HMCN1: variants seen among roughly 807,000 people sequenced by gnomAD.
HMCN1 encodes the protein hemicentin 1.
A neutral mutation model predicts 625.9 loss-of-function variants in HMCN1; 321 were observed. The ratio of observed to expected loss-of-function variants is 0.51; its 90% CI spans 0.47 to 0.56. The LOEUF (loss-of-function observed/expected upper bound fraction) is 0.56, where lower values mean the gene tolerates loss of function less well. HMCN1 is among the 20% of genes least tolerant of loss of function. The probability of loss-of-function intolerance (pLI) is 0.00; values close to 1 mark genes in which losing one functional copy is unlikely to be tolerated. For missense variants in HMCN1, 6,588 were observed against 6,887.3 expected, an observed-to-expected ratio of 0.96 and a Z score of 1.54; for synonymous variants, 2,425 against 2,417.6, an observed-to-expected ratio of 1.00 and a Z score of -0.09.
At chr1:185,896,748 A>G (rs1312981520) in intron 4 of HMCN1, among the ~76,000 whole-genome samples, 2 of 152,234 alleles carry the variant, frequency 1.3e-5, no homozygotes, top group Admixed American at 6.5e-5. Context: ...TCTAATAGTC[A>G]TGAATAGAAT....
intron 2 of HMCN1, among the ~76,000 whole-genome samples, chr1:185,852,944 T>G (rs373901887): frequency 6.6e-6 from 1 of 152,082 alleles, no homozygotes; most frequent in African/African-American, 2.4e-5. Flanking sequence ...TCAAGCTTTT[T>G]GATATTAGGT....
At chr1:185,924,844 C>T (rs1571566602) in intron 8 of HMCN1, among the ~76,000 whole-genome samples, 2 of 151,230 alleles carry the variant, frequency 1.3e-5, no homozygotes, top group African/African-American at 2.4e-5. Context: ...GTAAGGGGCT[C>T]ATAAAGATAT....
chr1:185,771,355 G>T (rs1485328344), intron 1 of HMCN1, among the ~76,000 whole-genome samples: 1 of 152,184 alleles, frequency 6.6e-6, no homozygotes, highest in African/African-American at 2.4e-5. Flanking sequence ...ACATAAGCAT[G>T]AAATGTAACC....
chr1:186,013,276 T>C (rs901980117), intron 30 of HMCN1, among the ~76,000 whole-genome samples: 1 of 152,202 alleles, frequency 6.6e-6, no homozygotes, highest in Admixed American at 6.6e-5. Context: ...TCACAAAATG[T>C]TATTATTTTG....
At chr1:186,087,184 C>G (rs1331486450) in intron 58 of HMCN1, 33 bp from the exon 59 acceptor site, 3 of 1,321,862 alleles carry the variant, frequency 2.3e-6, no homozygotes, top group Non-Finnish European at 3.3e-6. Flanking sequence ...AACCTGTATA[C>G]CACTCTACAA....
intron 11 of HMCN1, among the ~76,000 whole-genome samples, chr1:185,934,375 C>T (rs1204540353): frequency 6.6e-6 from 1 of 152,058 alleles, no homozygotes; most frequent in East Asian, 1.9e-4. Context: ...CACGCGAGTG[C>T]CTGTTGAAAA....
chr1:185,963,301 G>T (rs74134233), intron 12 of HMCN1, among the ~76,000 whole-genome samples: 2,690 of 152,124 alleles, frequency 0.018, 66 homozygotes, highest in African/African-American at 0.06. Flanking sequence ...ATTCCTAAAC[G>T]CCTTACAGAC....
chr1:185,876,057 C>T (rs916698193), intron 4 of HMCN1, among the ~76,000 whole-genome samples: 1 of 151,982 alleles, frequency 6.6e-6, no homozygotes, highest in South Asian at 2.1e-4. Flanking sequence ...TTTCAACCCT[C>T]GCCACCACCC....
Position 186,187,870 on chromosome 1 carries a change from G to A in HMCN1, c.16415-13G>A. On this transcript the variant is annotated splice_polypyrimidine_tract_variant and intron_variant, in intron 105 of 106. Transcript: ENST00000271588. ...TCACTGCTGATGCTGCATGTTCCCT[G>A]TGCTGTCCCTAGATATCGATGAATG... The A allele has an allele frequency of 6.2e-7, 1 of 1,613,574 alleles. No individual in the cohort carries two copies. The highest frequency in any genetic ancestry group is 1.7e-5 in the Admixed American group (1 of 59,980).
At chr1:185,761,155 G>A (rs566897480) in intron 1 of HMCN1, among the ~76,000 whole-genome samples, 2 of 152,064 alleles carry the variant, frequency 1.3e-5, no homozygotes, top group South Asian at 4.1e-4. Context: ...GGAGGTGGTA[G>A]TAGCAGGAAT....
Position 186,142,089 on chromosome 1 carries a change from A to G in HMCN1, c.13925-2084A>G, listed in dbSNP as rs551722253. ...TATGACTCAGGGGTTTGATGTACAG[A>G]TTATTTTGTCACCTGGATACTAAGC... On this transcript the variant is annotated intron_variant, in intron 89 of 106. Transcript: ENST00000271588. Among the ~76,000 whole-genome samples the G allele has an allele frequency of 3.7e-4, 57 of 152,026 alleles. 1 individual carries two copies. Among genetic ancestry groups the G allele is most frequent in the African/African-American group, 1.7e-4 (7 of 41,398 alleles).
In HMCN1 at chr1:186,152,855, C is replaced by CT. The variant is rs1400679574; in HGVS notation, c.15003dup (p.Glu5002Ter). The CT allele has an allele frequency of 1.2e-6, 2 of 1,613,820 alleles. No individual in the cohort carries two copies. Among genetic ancestry groups the CT allele is most frequent in the South Asian group, 2.2e-5 (2 of 91,070 alleles). ...TATGTCCTACAGCTTCAGTCACCTG[C>CT]TGAAGTCACTGTAAAGGTAAAATGC... On this transcript the variant is annotated frameshift_variant, in exon 96 of 107. Coordinates refer to ENST00000271588, the MANE Select transcript of HMCN1 (RefSeq NM_031935.3). LOFTEE classifies it high-confidence loss of function.
At chr1:185,900,786 CTTT>C (rs891877620) in intron 4 of HMCN1, among the ~76,000 whole-genome samples, 1 of 151,852 alleles carries the variant, frequency 6.6e-6, no homozygotes, top group African/African-American at 2.4e-5. Flanking sequence ...GAGAACTTCA[CTTT>C]AGGATCAAGA....
intron 1 of HMCN1, among the ~76,000 whole-genome samples, chr1:185,841,805 C>G (rs1010291178): frequency 2.0e-5 from 3 of 152,148 alleles, no homozygotes; most frequent in African/African-American, 7.2e-5. Context: ...TTATGTCTAT[C>G]CTACCTACCC....
At position 186,082,880 on chromosome 1, in the gene HMCN1, A is replaced by G. The variant is rs1230999670; in HGVS notation, c.8803A>G (p.Ile2935Val). ...GRILQILNTQITDIGRYVCVA... is the reference protein window; with the variant it reads ...GRILQILNTQVTDIGRYVCVA... ...TTTCCCTTAGATTCTGAATACTCAA[A>G]TAACAGATATCGGCAGGTATGTGTG... Residue 2935 changes from isoleucine (I) to valine (V), a missense_variant, in exon 57 of 107, where the codon ATA becomes GTA. Coordinates refer to ENST00000271588, the MANE Select transcript of HMCN1 (RefSeq NM_031935.3). 7.6e-6 allele frequency: 12 copies of G among 1,583,518 alleles called. No homozygotes were observed. The highest frequency in any genetic ancestry group is 9.5e-6 in the Non-Finnish European group (11 of 1,162,968).
At position 185,876,093 on chromosome 1, in the gene HMCN1, T is replaced by C. The variant is rs150111127; in HGVS notation, c.621+10230T>C. Among the ~76,000 whole-genome samples the C allele has an allele frequency of 3.9e-5, 6 of 152,046 alleles. No homozygotes were observed. In the East Asian group the frequency reaches 1.2e-3, roughly 29 times the overall value. On this transcript the variant is annotated intron_variant, in intron 4 of 106. Coordinates refer to ENST00000271588, the MANE Select transcript of HMCN1 (RefSeq NM_031935.3). The stretch of plus-strand genomic sequence containing the variant: ...TCCCCACATTTTGTAGTCCTCAGTG[T>C]CTATTATTCCCCTCAGTATGTTCAT...
chr1:186,074,627 T>C, intron 52 of HMCN1, 114 bp from the exon 53 acceptor site: 1 of 871,714 alleles, frequency 1.1e-6, no homozygotes, highest in Non-Finnish European at 1.8e-6. Flanking sequence ...ATGAATGTTT[T>C]GCATACAATT....
intron 4 of HMCN1, among the ~76,000 whole-genome samples, chr1:185,872,060 T>C (rs1239548699): frequency 6.6e-6 from 1 of 152,234 alleles, no homozygotes; most frequent in African/African-American, 2.4e-5. Context: ...ACTATAATGT[T>C]CTAGAGAGCT....
intron 1 of HMCN1, among the ~76,000 whole-genome samples, chr1:185,802,262 C>G (rs558661557): frequency 1.7e-4 from 26 of 152,218 alleles, no homozygotes; most frequent in African/African-American, 6.0e-4. Context: ...AGAAAATAAT[C>G]AGATTGAAGG....
Sources: gnomAD v4.1 joint callset for allele counts (sites outside exome capture counted in the v4.1 genomes callset) on GRCh38, gnomAD v4.1.1 for gene constraint, MANE v1.5 for transcripts, NCBI Gene and HGNC (gene_info 2026-07-23, HGNC 2026-07-21) for gene names.